Variants in SLC4A5 observed in about 807,000 individuals in gnomAD.
SLC4A5 encodes solute carrier family 4 member 5, also known as electrogenic sodium bicarbonate cotransporter 4.
SLC4A5 carries 96 observed loss-of-function variants against 120.4 expected under a neutral mutation model. The observed-to-expected ratio is 0.80, with a 90% confidence interval of 0.68 to 0.94. The LOEUF is 0.94. SLC4A5 is among the 40% of genes least tolerant of loss of function. SLC4A5 has a pLI of 0.00. For missense variants in SLC4A5, 1,259 were observed against 1,459.5 expected (o/e 0.86, Z 2.24); for synonymous variants, 550 against 571.1 (o/e 0.96, Z 0.53).
At chr2:74,250,634 G>T in intron 16 of SLC4A5, 117 bp from the exon 17 acceptor site, 2 of 1,231,104 alleles carry the variant, frequency 1.6e-6, no homozygotes, top group Non-Finnish European at 2.3e-6. Flanking sequence ...CAGGGTGGAT[G>T]GGGCAAAGAT....
At chr2:74,284,107 C>A (rs1461945804) in intron 8 of SLC4A5, among the ~76,000 whole-genome samples, 1 of 150,630 alleles carries the variant, frequency 6.6e-6, no homozygotes, top group African/African-American at 2.4e-5. Flanking sequence ...CTTGGCCTCT[C>A]AAAATGTTGG....
intron 8 of SLC4A5, among the ~76,000 whole-genome samples, chr2:74,278,369 G>T (rs903460717): frequency 2.0e-5 from 3 of 152,188 alleles, no homozygotes; most frequent in African/African-American, 4.8e-5. Flanking sequence ...GGTCAACCGC[G>T]TGATGGCCTT....
exon 18 of SLC4A5, chr2:74,248,434 A>C (rs1214898560): frequency 6.2e-7 from 1 of 1,614,028 alleles, no homozygotes; most frequent in African/African-American, 1.3e-5. Context: ...TCCCGAGAAG[A>C]GGCAGAACAA....
intron 28 of SLC4A5, among the ~76,000 whole-genome samples, chr2:74,223,580 G>C (rs569528366): frequency 6.6e-6 from 1 of 152,310 alleles, no homozygotes; most frequent in Non-Finnish European, 1.5e-5. Flanking sequence ...CAAGTAAAAT[G>C]AATTTGTATA....
chr2:74,248,531 G>A (rs759407462), intron 17 of SLC4A5, 45 bp from the exon 18 acceptor site: 16 of 1,608,454 alleles, frequency 9.9e-6, no homozygotes, highest in South Asian at 5.5e-5. Context: ...AAGGAGAAGC[G>A]GTCTCTCCAC....
At chr2:74,254,627 C>T in exon 14 of SLC4A5, 1 of 1,613,902 alleles carries the variant, frequency 6.2e-7, no homozygotes, top group South Asian at 1.1e-5. Flanking sequence ...ACATCATCTA[C>T]CATGAGGGTT....
intron 27 of SLC4A5, 76 bp downstream of exon 27, chr2:74,226,880 AG>A: frequency 6.7e-7 from 1 of 1,497,344 alleles, no homozygotes; most frequent in South Asian, 1.2e-5. Context: ...AGGTGGCAGG[AG>A]GGGAGGTTGC....
chr2:74,274,410 TACA>T (rs10572463), intron 8 of SLC4A5, among the ~76,000 whole-genome samples: 22,885 of 152,222 alleles, frequency 0.15, 2,217 homozygotes, highest in African/African-American at 0.27. Context: ...TGTGAGATAG[TACA>T]ACAAGTTGTT....
At chr2:74,286,691 C>T (rs375342727) in intron 7 of SLC4A5, among the ~76,000 whole-genome samples, 4 of 152,282 alleles carry the variant, frequency 2.6e-5, no homozygotes, top group African/African-American at 9.6e-5. Context: ...ATGACCATTT[C>T]AATCATAAGT....
chr2:74,321,670 C>T (rs745751891), intron 5 of SLC4A5, among the ~76,000 whole-genome samples: 4 of 151,654 alleles, frequency 2.6e-5, no homozygotes, highest in African/African-American at 7.3e-5. Context: ...AGGGAGAATG[C>T]GCATTGGGTA....
chr2:74,287,552 A>G (rs1672022177), intron 7 of SLC4A5, among the ~76,000 whole-genome samples: 1 of 152,100 alleles, frequency 6.6e-6, no homozygotes. Flanking sequence ...CAGGCCCATG[A>G]GCCCCACTGT....
intron 20 of SLC4A5, among the ~76,000 whole-genome samples, chr2:74,241,176 G>T (rs1670428484): frequency 1.3e-5 from 2 of 151,912 alleles, no homozygotes; most frequent in African/African-American, 4.8e-5. Context: ...TGAATGGCAG[G>T]CTTTGCTTAC....
chr2:74,310,279 T>C (rs1672766180), intron 6 of SLC4A5, among the ~76,000 whole-genome samples: 1 of 152,200 alleles, frequency 6.6e-6, no homozygotes, highest in Non-Finnish European at 1.5e-5. Flanking sequence ...TCCCAAACTA[T>C]ATACATTTAT....
At chr2:74,269,899 T>C (rs1056666749) in intron 8 of SLC4A5, among the ~76,000 whole-genome samples, 1 of 152,232 alleles carries the variant, frequency 6.6e-6, no homozygotes, top group Non-Finnish European at 1.5e-5. Flanking sequence ...AAACATCCTC[T>C]ACTAACTCCA....
intron 8 of SLC4A5, among the ~76,000 whole-genome samples, chr2:74,282,940 T>C (rs1199850279): frequency 1.3e-5 from 2 of 152,226 alleles, no homozygotes; most frequent in Non-Finnish European, 2.9e-5. Context: ...CTTCAGGCCC[T>C]GGCCCCTCAG....
At chr2:74,244,905 G>C (rs751383968) in intron 19 of SLC4A5, among the ~76,000 whole-genome samples, 1 of 152,192 alleles carries the variant, frequency 6.6e-6, no homozygotes, top group Non-Finnish European at 1.5e-5. Context: ...AAAGCCAGAG[G>C]GGAAGCTATT....
At position 74,289,721 on chromosome 2, in the gene SLC4A5, G is replaced by A. The variant is rs546952826; in HGVS notation, c.272-3819C>T. 2.6e-5 allele frequency among the ~76,000 whole-genome samples: 4 copies of A among 152,208 alleles called. No homozygotes were observed. In the South Asian group the frequency reaches 8.3e-4, roughly 32 times the overall value. ...TTTTATAGACAAAAAACCAACAATT[G>A]AGAAAATAACCTTATTTTTTCTTAA... is the stretch of plus-strand genomic sequence containing the variant. On this transcript the variant is annotated intron_variant, in intron 7 of 30. Transcript: ENST00000394019.
intron 6 of SLC4A5, chr2:74,307,544 G>A: frequency 1.6e-6 from 1 of 633,240 alleles, no homozygotes; most frequent in Non-Finnish European, 3.0e-6. Context: ...CAGCAAGATG[G>A]GCACTGTCGA....
chr2:74,261,998 G>T, intron 11 of SLC4A5, 139 bp downstream of exon 11: 2 of 682,880 alleles, frequency 2.9e-6, no homozygotes, highest in South Asian at 2.3e-5. Flanking sequence ...TAGAGTGAAA[G>T]TTAGGCTCCT....
Sources: gnomAD v4.1 joint callset for allele counts (sites outside exome capture counted in the v4.1 genomes callset) on GRCh38, gnomAD v4.1.1 for gene constraint, MANE v1.5 for transcripts, NCBI Gene and HGNC (gene_info 2026-07-23, HGNC 2026-07-21) for gene names.